Variants in HSD17B3 observed in about 807,000 individuals in gnomAD.
HSD17B3 encodes 17-beta-hydroxysteroid dehydrogenase type 3.
In HSD17B3, 29 loss-of-function variants were observed where a neutral mutation model predicts 41.1. That is an observed-to-expected ratio of 0.71 (90% CI 0.53 to 0.96). HSD17B3 has a LOEUF of 0.96. Among genes scored for constraint, HSD17B3 ranks in the 40% least tolerant of loss-of-function variants. The probability of loss-of-function intolerance (pLI) is 0.00; values close to 1 mark genes in which losing one functional copy is unlikely to be tolerated. For synonymous variants in HSD17B3, 126 were observed against 145.6 expected (o/e 0.87, Z 0.97); for missense variants, 323 against 374.6 (o/e 0.86, Z 1.14).
At chr9:96,238,647 G>A (rs1481780919) in intron 10 of HSD17B3, among the ~76,000 whole-genome samples, 4 of 152,056 alleles carry the variant, frequency 2.6e-5, no homozygotes, top group Non-Finnish European at 4.4e-5. Flanking sequence ...GGGCAACAGC[G>A]AGACTCCATC....
chr9:96,249,168 G>T (rs1004221284), intron 6 of HSD17B3, among the ~76,000 whole-genome samples: 1 of 152,154 alleles, frequency 6.6e-6, no homozygotes, highest in Non-Finnish European at 1.5e-5. Context: ...CTCCCAAAGT[G>T]CTGGGATTAC....
chr9:96,259,109 C>A (rs947511279), intron 2 of HSD17B3, among the ~76,000 whole-genome samples: 1 of 152,082 alleles, frequency 6.6e-6, no homozygotes, highest in African/African-American at 2.4e-5. Context: ...AGAAGTGACC[C>A]GCATCCTTTC....
chr9:96,248,864 T>C (rs1314605149), intron 6 of HSD17B3, among the ~76,000 whole-genome samples: 2 of 152,164 alleles, frequency 1.3e-5, no homozygotes, highest in Non-Finnish European at 2.9e-5. Flanking sequence ...ACCAAAGAAC[T>C]TGAATGCTGA....
chr9:96,270,485 G>A (rs781342433), intron 2 of HSD17B3, among the ~76,000 whole-genome samples: 5 of 152,230 alleles, frequency 3.3e-5, no homozygotes, highest in African/African-American at 9.6e-5. Context: ...GAGTGCAGAT[G>A]GAGGAATTTA....
At chr9:96,260,346 C>G (rs868507517) in intron 2 of HSD17B3, among the ~76,000 whole-genome samples, 47 of 152,162 alleles carry the variant, frequency 3.1e-4, no homozygotes, top group African/African-American at 1.1e-3. Context: ...AGTCCCACAT[C>G]TGAAATCACC....
At chr9:96,294,928 CAG>C (rs1827288020) in intron 2 of HSD17B3, among the ~76,000 whole-genome samples, 1 of 148,318 alleles carries the variant, frequency 6.7e-6, no homozygotes, top group African/African-American at 2.5e-5. Flanking sequence ...TAAAAATAAA[CAG>C]AGATGAGATA....
intron 2 of HSD17B3, among the ~76,000 whole-genome samples, chr9:96,267,987 C>T (rs190287871): frequency 1.9e-3 from 288 of 152,206 alleles, no homozygotes; most frequent in Admixed American, 5.4e-3. Flanking sequence ...TGCAGTGGTG[C>T]GATCTCAGCT....
intron 2 of HSD17B3, among the ~76,000 whole-genome samples, chr9:96,270,783 C>T (rs1826210513): frequency 6.6e-6 from 1 of 152,130 alleles, no homozygotes; most frequent in South Asian, 2.1e-4. Context: ...CTAGAATGGC[C>T]CAGATGTGGA....
chr9:96,240,166 C>T (rs993923572), intron 10 of HSD17B3, among the ~76,000 whole-genome samples: 2 of 152,134 alleles, frequency 1.3e-5, no homozygotes, highest in African/African-American at 2.4e-5. Context: ...GTGCAGCAAA[C>T]CACCATGGCA....
chr9:96,241,962 AAAG>A (rs1260728761), intron 9 of HSD17B3, among the ~76,000 whole-genome samples: 4 of 10,476 alleles, frequency 3.8e-4, no homozygotes, highest in African/African-American at 1.5e-3. Context: ...AAGAACAGAA[AAAG>A]AAAGAAAGAA....
At chr9:96,265,150 A>C (rs986861571) in intron 2 of HSD17B3, among the ~76,000 whole-genome samples, 1 of 152,238 alleles carries the variant, frequency 6.6e-6, no homozygotes, top group Non-Finnish European at 1.5e-5. Context: ...ACGGCCAGTA[A>C]GGTTGGAAAC....
chr9:96,282,285 T>G (rs182536721), intron 2 of HSD17B3, among the ~76,000 whole-genome samples: 1 of 152,178 alleles, frequency 6.6e-6, no homozygotes, highest in Non-Finnish European at 1.5e-5. Flanking sequence ...CTTTGATTAA[T>G]TGGTTTAAAA....
At chr9:96,288,079 T>C (rs906132909) in intron 2 of HSD17B3, among the ~76,000 whole-genome samples, 12 of 152,226 alleles carry the variant, frequency 7.9e-5, no homozygotes, top group Non-Finnish European at 1.6e-4. Flanking sequence ...GTGACCTTCA[T>C]ATGAAATGTC....
intron 1 of HSD17B3, among the ~76,000 whole-genome samples, chr9:96,300,453 G>T (rs1827553099): frequency 7.0e-6 from 1 of 142,082 alleles, no homozygotes; most frequent in Non-Finnish European, 1.5e-5. Flanking sequence ...CCATATGTGA[G>T]TTATACTAAA....
intron 1 of HSD17B3, 53 bp downstream of exon 1, chr9:96,301,898 T>A (rs1827627117): frequency 6.4e-7 from 1 of 1,572,150 alleles, no homozygotes; most frequent in Non-Finnish European, 8.7e-7. Flanking sequence ...ATAATAATAG[T>A]AACAAGCAGG....
intron 10 of HSD17B3, among the ~76,000 whole-genome samples, chr9:96,238,630 C>A (rs942073352): frequency 1.3e-5 from 2 of 152,142 alleles, no homozygotes; most frequent in Admixed American, 6.5e-5. Flanking sequence ...CCACTGCACT[C>A]CAGCCCGGGC....
intron 2 of HSD17B3, among the ~76,000 whole-genome samples, chr9:96,276,107 TAAAAAAA>T (rs57386167): frequency 2.4e-5 from 1 of 41,150 alleles, no homozygotes; most frequent in Admixed American, 4.0e-4. Flanking sequence ...TCCTGTCTCA[TAAAAAAA>T]AAAAAAAAAA....
At chr9:96,241,993 G>GAAAGAAAGAAAA in intron 9 of HSD17B3, among the ~76,000 whole-genome samples, 1 of 120,726 alleles carries the variant, frequency 8.3e-6, no homozygotes, top group African/African-American at 3.3e-5. Flanking sequence ...AAGAAAGAAA[G>GAAAGAAAGAAAA]AAAGAAAGAA....
At chr9:96,241,961 A>AAAAT (rs1554692345) in intron 9 of HSD17B3, among the ~76,000 whole-genome samples, 1 of 100,696 alleles carries the variant, frequency 9.9e-6, no homozygotes, top group African/African-American at 4.2e-5. Context: ...AAAGAACAGA[A>AAAAT]AAAGAAAGAA....
Sources: gnomAD v4.1 joint callset for allele counts (sites outside exome capture counted in the v4.1 genomes callset) on GRCh38, gnomAD v4.1.1 for gene constraint, MANE v1.5 for transcripts, NCBI Gene and HGNC (gene_info 2026-07-23, HGNC 2026-07-21) for gene names.